The following NOX4 variants were observed in gnomAD, a reference collection of about 807,000 sequenced individuals.
The protein encoded by NOX4 is kidney oxidase-1.
In NOX4, 69 loss-of-function variants were observed where a neutral mutation model predicts 87.6. The observed-to-expected ratio is 0.79, with a 90% CI of 0.65 to 0.96. The LOEUF is 0.96. Among genes scored for constraint, NOX4 ranks in the 40% least tolerant of loss-of-function variants. The probability of loss-of-function intolerance (pLI) is 0.00; values close to 1 mark genes in which losing one functional copy is unlikely to be tolerated. For synonymous variants in NOX4, 275 were observed against 238.2 expected, an observed-to-expected ratio of 1.15 and a Z score of -1.42; for missense variants, 680 against 681.5, an observed-to-expected ratio of 1.00 and a Z score of 0.02.
At chr11:89,530,884 G>A in the NOX4 span, among the ~76,000 whole-genome samples, 3 of 152,118 alleles carry the variant, frequency 2.0e-5, no homozygotes, top group African/African-American at 7.2e-5. Flanking sequence ...CTAAACCGTA[G>A]AGAAAATAAG....
At chr11:89,565,733 A>G in the NOX4 span, among the ~76,000 whole-genome samples, 3 of 152,078 alleles carry the variant, frequency 2.0e-5, no homozygotes, top group African/African-American at 7.2e-5. Context: ...TAATAAAAAA[A>G]AAAAGAAAAA....
intron 2 of NOX4, among the ~76,000 whole-genome samples, chr11:89,477,110 CTTCAT>C (rs1946197803): frequency 6.6e-6 from 1 of 152,058 alleles, no homozygotes; most frequent in South Asian, 2.1e-4. Flanking sequence ...TTATTGTGCA[CTTCAT>C]TTCTAGTATT....
At chr11:89,351,859 G>A (rs1946469662) in intron 13 of NOX4, among the ~76,000 whole-genome samples, 1 of 152,078 alleles carries the variant, frequency 6.6e-6, no homozygotes, top group African/African-American at 2.4e-5. Flanking sequence ...TTCAACCTAA[G>A]TGTCCATCAA....
chr11:89,440,682 A>G lies in NOX4; in HGVS notation c.475+6T>C, dbSNP rs748396816. ...CCTAAAGAAAAGGCTAAGAATAACA[A>G]CTTACCAGTTGTGAAGAGAAGTTTT... On this transcript the variant is annotated splice_donor_region_variant and intron_variant, in intron 6 of 17. Transcript: ENST00000263317. 1 of 1,546,952 alleles carries G rather than the reference A, an allele frequency of 6.5e-7. No homozygotes were observed. Among genetic ancestry groups the G allele is most frequent in the Non-Finnish European group, 8.8e-7 (1 of 1,135,260 alleles).
upstream of NOX4, among the ~76,000 whole-genome samples, chr11:89,500,076 A>G (rs1947000882): frequency 6.6e-6 from 1 of 152,172 alleles, no homozygotes. Flanking sequence ...GTATTCTATT[A>G]TGTGTTGCCT....
intron 14 of NOX4, among the ~76,000 whole-genome samples, 155 bp from the exon 15 acceptor site, chr11:89,340,326 C>T (rs1246552259): frequency 6.6e-6 from 1 of 152,174 alleles, no homozygotes; most frequent in African/African-American, 2.4e-5. Context: ...ATTCTAGCGT[C>T]TGATAGCACG....
chr11:89,486,550 GTATATATGTGTATATATACATA>G (rs1946611977), intron 2 of NOX4, among the ~76,000 whole-genome samples: 3 of 145,544 alleles, frequency 2.1e-5, no homozygotes, highest in Non-Finnish European at 4.5e-5. Flanking sequence ...ATATATGTGT[GTATATATGTGTATATATACATA>G]TATATGTGTG....
chr11:89,391,249 G>A (rs1426551071), intron 11 of NOX4, among the ~76,000 whole-genome samples: 2 of 152,096 alleles, frequency 1.3e-5, no homozygotes, highest in Non-Finnish European at 2.9e-5. Context: ...TAAAAGGAAA[G>A]GTCAGGAAAC....
chr11:89,452,171 T>C (rs1298179751), intron 2 of NOX4, among the ~76,000 whole-genome samples: 5 of 152,226 alleles, frequency 3.3e-5, no homozygotes, highest in African/African-American at 1.2e-4. Flanking sequence ...ACTCCATTTC[T>C]TGTTCTGCCC....
At chr11:89,565,689 C>T in the NOX4 span, among the ~76,000 whole-genome samples, 1 of 151,580 alleles carries the variant, frequency 6.6e-6, no homozygotes, top group African/African-American at 2.4e-5. Flanking sequence ...AACTAACCTG[C>T]ACAATGTGCG....
intron 2 of NOX4, among the ~76,000 whole-genome samples, chr11:89,466,126 G>A (rs1945682361): frequency 1.3e-5 from 2 of 152,126 alleles, no homozygotes; most frequent in African/African-American, 4.8e-5. Context: ...CTGTAGTCTT[G>A]CACTTCCCAA....
the NOX4 span, among the ~76,000 whole-genome samples, chr11:89,554,275 T>C: frequency 2.0e-5 from 3 of 152,104 alleles, no homozygotes; most frequent in Non-Finnish European, 2.9e-5. Flanking sequence ...ATTGAAAAAT[T>C]CTTTTCACCA....
chr11:89,499,034 G>A (rs1043080276), upstream of NOX4: 1 of 155,392 alleles, frequency 6.4e-6, no homozygotes, highest in African/African-American at 2.4e-5. Flanking sequence ...TCCAGTAGAG[G>A]GTGCACTTGC....
the NOX4 span, among the ~76,000 whole-genome samples, chr11:89,571,059 A>G: frequency 6.6e-6 from 1 of 152,136 alleles, no homozygotes; most frequent in Non-Finnish European, 1.5e-5. Context: ...TTTACTTGTA[A>G]CTGTACATTG....
At chr11:89,572,930 C>T in the NOX4 span, among the ~76,000 whole-genome samples, 1 of 151,992 alleles carries the variant, frequency 6.6e-6, no homozygotes, top group Non-Finnish European at 1.5e-5. Context: ...TTTATAATCT[C>T]TTTTCTTGCC....
At position 89,421,929 on chromosome 11, in the gene NOX4, T is replaced by G; in HGVS notation, c.602A>C (p.Tyr201Ser). Residue 201 changes from tyrosine to serine, a missense_variant, in exon 8 of 18, where the codon TAC (tyrosine) becomes TCC (serine). By Grantham distance (144) the Tyr-to-Ser change is moderately radical. Coordinates refer to ENST00000263317, the MANE Select transcript of NOX4 (RefSeq NM_016931.5). ...WYTHNLFFVF[Y>S]MLLTLHVSGG... Reference sequence around the variant, plus strand: ...TGAAACATGCAACGTCAGCAGCATGTAGAAGACAAAGAAGAGGTTATGAGT... The same window carrying G: ...TGAAACATGCAACGTCAGCAGCATGGAGAAGACAAAGAAGAGGTTATGAGT... 1.3e-6 allele frequency: 2 copies of G among 1,573,580 alleles called. No individual in the cohort carries two copies. Among genetic ancestry groups the G allele is most frequent in the Non-Finnish European group, 1.7e-6 (2 of 1,163,358 alleles).
intron 12 of NOX4, among the ~76,000 whole-genome samples, chr11:89,356,522 C>T (rs1046456418): frequency 6.6e-6 from 1 of 151,986 alleles, no homozygotes; most frequent in East Asian, 1.9e-4. Flanking sequence ...TGCACATTTT[C>T]AGGAATAGGT....
At chr11:89,576,464 G>A in the NOX4 span, among the ~76,000 whole-genome samples, 3 of 151,970 alleles carry the variant, frequency 2.0e-5, no homozygotes, top group Non-Finnish European at 2.9e-5. Flanking sequence ...AAAATCATAC[G>A]ATAAAAAAGC....
At chr11:89,463,095 C>T (rs1291247837) in intron 2 of NOX4, among the ~76,000 whole-genome samples, 1 of 151,622 alleles carries the variant, frequency 6.6e-6, no homozygotes, top group Admixed American at 6.6e-5. Flanking sequence ...GGGATAGGAA[C>T]TGAGGAATAT....
Sources: gnomAD v4.1 joint callset for allele counts (sites outside exome capture counted in the v4.1 genomes callset) on GRCh38, gnomAD v4.1.1 for gene constraint, MANE v1.5 for transcripts, NCBI Gene and HGNC (gene_info 2026-07-23, HGNC 2026-07-21) for gene names.